ELAPOR2: variants seen among roughly 807,000 people sequenced by gnomAD.
The protein encoded by ELAPOR2 is endosome-lysosome associated apoptosis and autophagy regulator family member 2.
In ELAPOR2, 89 loss-of-function variants were observed where a neutral mutation model predicts 120.7. The ratio of observed to expected loss-of-function variants is 0.74; its 90% CI spans 0.62 to 0.88. ELAPOR2 has a LOEUF of 0.88. ELAPOR2 is among the 40% of genes least tolerant of loss of function. The pLI is 0.00. For synonymous variants in ELAPOR2, 444 were observed against 444.9 expected, an observed-to-expected ratio of 1.00 and a Z score of 0.03; for missense variants, 1,134 against 1,251.6, an observed-to-expected ratio of 0.91 and a Z score of 1.42.
chr7:86,883,447 C>A (rs774288798), intron 21 of ELAPOR2, among the ~76,000 whole-genome samples: 8 of 151,894 alleles, frequency 5.3e-5, no homozygotes, highest in African/African-American at 1.7e-4. Context: ...ATATGTGCAA[C>A]GATATTTATA....
At chr7:86,936,530 G>A (rs180890872) in intron 8 of ELAPOR2, among the ~76,000 whole-genome samples, 4 of 152,076 alleles carry the variant, frequency 2.6e-5, no homozygotes, top group African/African-American at 7.2e-5. Flanking sequence ...CATTTATCTT[G>A]AAATGTCTTA....
chr7:86,946,698 A>G (rs1791024149), intron 3 of ELAPOR2, among the ~76,000 whole-genome samples: 1 of 152,148 alleles, frequency 6.6e-6, no homozygotes, highest in Non-Finnish European at 1.5e-5. Flanking sequence ...CCAGACTCAA[A>G]TTTACACTGA....
At chr7:86,993,137 G>T (rs376873387) in intron 1 of ELAPOR2, among the ~76,000 whole-genome samples, 2 of 150,992 alleles carry the variant, frequency 1.3e-5, no homozygotes, top group African/African-American at 4.9e-5. Flanking sequence ...TCAGGAGGCT[G>T]AGGCGGGAGA....
intron 1 of ELAPOR2, among the ~76,000 whole-genome samples, chr7:87,010,511 T>G (rs1793621628): frequency 6.6e-6 from 1 of 152,204 alleles, no homozygotes; most frequent in Admixed American, 6.5e-5. Flanking sequence ...CACTAAAAAC[T>G]TTTAAAATGT....
intron 21 of ELAPOR2, among the ~76,000 whole-genome samples, chr7:86,883,422 T>C (rs1799516691): frequency 3.3e-5 from 5 of 152,276 alleles, no homozygotes; most frequent in Admixed American, 2.6e-4. Context: ...TTCTTAAAAA[T>C]AGACACACAA....
chr7:87,022,522 G>C (rs186316552), intron 1 of ELAPOR2, among the ~76,000 whole-genome samples: 4 of 151,946 alleles, frequency 2.6e-5, no homozygotes, highest in African/African-American at 9.7e-5. Flanking sequence ...GCTATTGTGA[G>C]TAGTGCCCCA....
At chr7:87,030,985 G>A (rs147920411) in intron 1 of ELAPOR2, among the ~76,000 whole-genome samples, 3,957 of 152,280 alleles carry the variant, frequency 0.026, 126 homozygotes, top group East Asian at 0.12. Context: ...AGAGTCAAGT[G>A]AAAGGGGTTT....
intron 1 of ELAPOR2, among the ~76,000 whole-genome samples, chr7:87,058,270 C>A (rs1795324078): frequency 6.6e-6 from 1 of 152,190 alleles, no homozygotes; most frequent in African/African-American, 2.4e-5. Flanking sequence ...CATACACAAA[C>A]AAGAGGGTCT....
At chr7:87,029,523 A>G (rs1794360370) in intron 1 of ELAPOR2, among the ~76,000 whole-genome samples, 1 of 152,224 alleles carries the variant, frequency 6.6e-6, no homozygotes, top group Non-Finnish European at 1.5e-5. Flanking sequence ...TAATTTAAGG[A>G]GCCATAAATA....
intron 21 of ELAPOR2, among the ~76,000 whole-genome samples, chr7:86,883,933 G>C (rs1246696945): frequency 2.0e-5 from 3 of 152,116 alleles, no homozygotes; most frequent in African/African-American, 7.2e-5. Flanking sequence ...GTTCCCTGAA[G>C]TGTTTTGGGG....
intron 12 of ELAPOR2, among the ~76,000 whole-genome samples, chr7:86,916,564 T>C (rs1228299098): frequency 6.6e-6 from 1 of 152,194 alleles, no homozygotes; most frequent in Non-Finnish European, 1.5e-5. Context: ...TCAGAGGCTG[T>C]TGGTTCTTAA....
intron 1 of ELAPOR2, among the ~76,000 whole-genome samples, chr7:87,035,516 A>C (rs1794559569): frequency 6.6e-6 from 1 of 152,222 alleles, no homozygotes; most frequent in African/African-American, 2.4e-5. Flanking sequence ...TAAGCTAAAC[A>C]ACCCCATTTC....
At chr7:86,903,332 C>T (rs1788807344) in intron 18 of ELAPOR2, among the ~76,000 whole-genome samples, 2 of 152,058 alleles carry the variant, frequency 1.3e-5, no homozygotes, top group East Asian at 3.9e-4. Flanking sequence ...CATCTATATG[C>T]CTTTTTACTT....
intron 21 of ELAPOR2, among the ~76,000 whole-genome samples, chr7:86,889,084 C>T (rs1562897984): frequency 1.3e-5 from 2 of 152,040 alleles, no homozygotes; most frequent in African/African-American, 4.8e-5. Context: ...ATAAAATTTG[C>T]CTTTGACCTT....
chr7:86,910,001 C>T lies in ELAPOR2; in HGVS notation c.2170G>A (p.Gly724Arg). The change falls in exon 16 of 22, where the codon GGG becomes AGG. Residue 724 changes from glycine (G) to arginine (R), a missense_variant and splice_region_variant. Coordinates refer to ENST00000450689, the MANE Select transcript of ELAPOR2 (RefSeq NM_001142749.3). The part of the protein sequence containing the change: ...FFNISLCGHE[G>R]KKMALCTNNI... ...TTGGTACAGAGAGCCATCTTCTTCC[C>T]CTAGGAAAATAAAGTCATAAAAGAA... is the stretch of plus-strand genomic sequence containing the variant. The T allele has an allele frequency of 1.2e-6, 2 of 1,600,208 alleles. No individual in the cohort carries two copies. Among genetic ancestry groups the T allele is most frequent in the African/African-American group, 1.4e-5 (1 of 73,992 alleles).
chr7:86,935,717 C>T (rs796772878), intron 8 of ELAPOR2, among the ~76,000 whole-genome samples: 45 of 152,024 alleles, frequency 3.0e-4, no homozygotes, highest in African/African-American at 1.0e-3. Flanking sequence ...TGCTCTACAT[C>T]TATGGAGAAA....
chr7:87,033,572 T>G (rs141797283), intron 1 of ELAPOR2, among the ~76,000 whole-genome samples: 4 of 152,184 alleles, frequency 2.6e-5, no homozygotes, highest in Admixed American at 2.6e-4. Flanking sequence ...ACAGACTGTA[T>G]GTCTTTAAAT....
intron 21 of ELAPOR2, among the ~76,000 whole-genome samples, chr7:86,889,728 G>C (rs1296988881): frequency 6.6e-6 from 1 of 151,996 alleles, no homozygotes; most frequent in African/African-American, 2.4e-5. Flanking sequence ...ACCATGAAAA[G>C]TGAAACTGCA....
At chr7:87,026,652 C>A (rs570656464) in intron 1 of ELAPOR2, among the ~76,000 whole-genome samples, 1 of 151,940 alleles carries the variant, frequency 6.6e-6, no homozygotes, top group South Asian at 2.1e-4. Context: ...GAGTGATAGG[C>A]CCATAAAAAT....
Sources: allele counts gnomAD v4.1 joint callset (sites outside exome capture counted in the v4.1 genomes callset), GRCh38; gene constraint gnomAD v4.1.1; transcripts MANE v1.5; gene names NCBI Gene and HGNC (gene_info 2026-07-23, HGNC 2026-07-21).